Variants in RASSF3 observed in about 807,000 individuals in gnomAD.
RASSF3 encodes the protein Ras association domain family member 3, also known as ras association domain-containing protein 3.
Under a neutral mutation model 19.9 loss-of-function variants are expected in RASSF3, and 19 were observed. That is an observed-to-expected ratio of 0.96 (90% CI 0.67 to 1.40). The LOEUF (loss-of-function observed/expected upper bound fraction) is 1.40, where lower values mean the gene tolerates loss of function less well. Ranked by LOEUF, RASSF3 falls within the 40% of genes most tolerant of loss-of-function variation. The probability of loss-of-function intolerance (pLI) is 0.00; values close to 1 mark genes in which losing one functional copy is unlikely to be tolerated. For synonymous variants in RASSF3, 110 were observed against 104.2 expected (o/e 1.06, Z -0.34); for missense variants, 306 against 289.8 (o/e 1.06, Z -0.41).
At chr12:64,549,295 T>C (rs1156436084) in intron 2 of RASSF3, among the ~76,000 whole-genome samples, 2 of 152,258 alleles carry the variant, frequency 1.3e-5, no homozygotes, top group Middle Eastern at 3.4e-3. Context: ...GCCCAGAAAT[T>C]TGAGAACTGC....
Position 64,515,025 on chromosome 12 carries a change from A to T in RASSF3, c.169+7696A>T, listed in dbSNP as rs552261960. 2.6e-4 allele frequency among the ~76,000 whole-genome samples: 30 copies of T among 113,272 alleles called. No individual in the cohort carries two copies. In the East Asian group the frequency reaches 4.2e-3, roughly 16 times the overall value. The allele number at this position is 113,272 out of a possible 152,430, so 74.3% of individuals were successfully genotyped here. ...TTTCATATAATAAAACATTTTATTTATTTTATTTATTTATTTATCATTTAT... is the reference window on the plus strand; with the variant it reads ...TTTCATATAATAAAACATTTTATTTTTTTTATTTATTTATTTATCATTTAT... On this transcript the variant is annotated intron_variant, in intron 1 of 5. Transcript: ENST00000637125.
chr12:64,544,497 G>A (rs763353372), downstream of RASSF3, among the ~76,000 whole-genome samples: 3 of 152,214 alleles, frequency 2.0e-5, no homozygotes, highest in South Asian at 6.2e-4. Context: ...CACGCCTGTG[G>A]TCCCAACTAC....
chr12:64,612,446 GT>G (rs975516377), intron 1 of RASSF3, among the ~76,000 whole-genome samples: 8 of 143,384 alleles, frequency 5.6e-5, no homozygotes, highest in Non-Finnish European at 3.1e-5. Flanking sequence ...AAAGACATCA[GT>G]TTTTTTCTAG....
chr12:64,689,247 A>G (rs1406754688), intron 3 of RASSF3, among the ~76,000 whole-genome samples: 5 of 81,488 alleles, frequency 6.1e-5, no homozygotes, highest in Non-Finnish European at 1.6e-4. Flanking sequence ...GTGTGTGTGT[A>G]CAATAAACTA....
At chr12:64,662,623 A>T (rs547671128) in intron 1 of RASSF3, among the ~76,000 whole-genome samples, 25 of 152,358 alleles carry the variant, frequency 1.6e-4, no homozygotes, top group African/African-American at 6.0e-4. Context: ...ATTAGTGGTC[A>T]GTTGCAAGAA....
At chr12:64,554,293 G>C (rs1413738669) in intron 2 of RASSF3, among the ~76,000 whole-genome samples, 5 of 152,096 alleles carry the variant, frequency 3.3e-5, no homozygotes, top group African/African-American at 4.8e-5. Flanking sequence ...ATTGAAATGT[G>C]TGTGTGGTTT....
intron 2 of RASSF3, among the ~76,000 whole-genome samples, chr12:64,603,431 C>A (rs78990007): frequency 0.021 from 3,177 of 152,226 alleles, 110 homozygotes; most frequent in African/African-American, 0.073. Context: ...AGTCCTCGTA[C>A]CAGGTAGTGC....
chr12:64,641,693 A>C (rs1871538638), intron 1 of RASSF3, among the ~76,000 whole-genome samples: 1 of 146,320 alleles, frequency 6.8e-6, no homozygotes, highest in South Asian at 2.1e-4. Flanking sequence ...GCGGTTGAAT[A>C]TCAGCATTTC....
intron 1 of RASSF3, among the ~76,000 whole-genome samples, chr12:64,648,632 G>A (rs975320728): frequency 1.5e-4 from 23 of 151,428 alleles, no homozygotes; most frequent in African/African-American, 5.1e-4. Context: ...ACAGGCATGC[G>A]CCACAACACC....
intron 1 of RASSF3, among the ~76,000 whole-genome samples, chr12:64,514,475 G>A (rs187726421): frequency 4.3e-4 from 66 of 152,158 alleles, no homozygotes; most frequent in Admixed American, 7.2e-4. Context: ...GTGAGCCACC[G>A]TGCCCGGCCA....
At chr12:64,559,621 A>G (rs1300510227) in intron 2 of RASSF3, among the ~76,000 whole-genome samples, 1 of 152,122 alleles carries the variant, frequency 6.6e-6, no homozygotes, top group Non-Finnish European at 1.5e-5. Flanking sequence ...GCCACCTGCC[A>G]GGGCAACTCA....
intron 2 of RASSF3, among the ~76,000 whole-genome samples, chr12:64,587,836 A>G (rs1565844281): frequency 1.3e-5 from 2 of 152,216 alleles, no homozygotes; most frequent in Non-Finnish European, 2.9e-5. Flanking sequence ...CTAGTTTAAA[A>G]TACTGCAACA....
intron 1 of RASSF3, among the ~76,000 whole-genome samples, chr12:64,638,368 C>T (rs1871394878): frequency 1.3e-5 from 2 of 152,002 alleles, no homozygotes; most frequent in Admixed American, 1.3e-4. Context: ...ATCACAAGGT[C>T]AGGAGATCGA....
intron 1 of RASSF3, among the ~76,000 whole-genome samples, chr12:64,516,618 CAAA>C (rs200931603): frequency 9.2e-6 from 1 of 109,118 alleles, no homozygotes; most frequent in Non-Finnish European, 2.0e-5. Context: ...GACTCCGTCT[CAAA>C]AAAAAAAAAA....
intron 1 of RASSF3, among the ~76,000 whole-genome samples, chr12:64,652,403 T>A (rs1871991670): frequency 6.6e-6 from 1 of 150,506 alleles, no homozygotes; most frequent in African/African-American, 2.5e-5. Flanking sequence ...TGTTTTTTTC[T>A]CCCCCTCCCC....
intron 1 of RASSF3, among the ~76,000 whole-genome samples, chr12:64,525,169 G>A (rs1171888703): frequency 2.0e-5 from 3 of 152,094 alleles, no homozygotes; most frequent in Non-Finnish European, 4.4e-5. Context: ...CCAGCTACTC[G>A]GGAGGCTGAG....
chr12:64,684,640 A>G (rs1873275975), intron 1 of RASSF3, 147 bp from the exon 2 acceptor site: 1 of 552,760 alleles, frequency 1.8e-6, no homozygotes, highest in Non-Finnish European at 3.3e-6. Context: ...CATTTTGGTC[A>G]GGGTGGTATT....
At chr12:64,561,922 G>A (rs1016726351) in intron 2 of RASSF3, among the ~76,000 whole-genome samples, 1 of 151,722 alleles carries the variant, frequency 6.6e-6, no homozygotes, top group Non-Finnish European at 1.5e-5. Context: ...GACCTCGAGT[G>A]ATCCACCCAC....
downstream of RASSF3, among the ~76,000 whole-genome samples, chr12:64,545,430 A>G (rs1296240871): frequency 2.0e-5 from 3 of 152,258 alleles, no homozygotes; most frequent in Non-Finnish European, 4.4e-5. Flanking sequence ...TAAAAATTTT[A>G]GAAAATGATG....
Sources: allele counts gnomAD v4.1 joint callset (sites outside exome capture counted in the v4.1 genomes callset), GRCh38; gene constraint gnomAD v4.1.1; transcripts MANE v1.5; gene names NCBI Gene and HGNC (gene_info 2026-07-23, HGNC 2026-07-21).